Variants in PTPRR observed in about 807,000 individuals in gnomAD.
The protein encoded by PTPRR is protein tyrosine phosphatase receptor type R, also known as receptor-type tyrosine-protein phosphatase R.
PTPRR carries 38 observed loss-of-function variants against 77.2 expected under a neutral mutation model. The observed-to-expected ratio is 0.49, with a 90% CI of 0.38 to 0.65. PTPRR has a LOEUF of 0.65. PTPRR is among the 30% of genes least tolerant of loss of function. The pLI is 0.00. For missense variants in PTPRR, 744 were observed against 799.2 expected (o/e 0.93, Z 0.83); for synonymous variants, 299 against 283.1 (o/e 1.06, Z -0.57).
intron 1 of PTPRR, among the ~76,000 whole-genome samples, chr12:70,912,432 C>G (rs1893713319): frequency 6.6e-6 from 1 of 151,934 alleles, no homozygotes. Context: ...TGAGGCCAGT[C>G]TTCTCATTTA....
intron 2 of PTPRR, among the ~76,000 whole-genome samples, chr12:70,868,839 C>G (rs1372976097): frequency 2.0e-5 from 3 of 151,788 alleles, no homozygotes; most frequent in Non-Finnish European, 4.4e-5. Flanking sequence ...ATACACCATG[C>G]AATATTATGC....
intron 4 of PTPRR, among the ~76,000 whole-genome samples, chr12:70,759,679 TA>T (rs34011060): frequency 0.021 from 716 of 34,408 alleles, 10 homozygotes; most frequent in African/African-American, 0.058. Flanking sequence ...GACTCCGTCT[TA>T]AAAAAAAAAA....
chr12:70,870,193 T>C (rs965765520), intron 2 of PTPRR, among the ~76,000 whole-genome samples: 5 of 152,106 alleles, frequency 3.3e-5, no homozygotes, highest in African/African-American at 4.8e-5. Flanking sequence ...ATCAGACCAT[T>C]TCCAAAGCCC....
At chr12:70,810,789 A>G (rs1033717638) in intron 2 of PTPRR, among the ~76,000 whole-genome samples, 1 of 152,202 alleles carries the variant, frequency 6.6e-6, no homozygotes, top group African/African-American at 2.4e-5. Flanking sequence ...ACAAAATAGC[A>G]TGATTATATG....
intron 6 of PTPRR, among the ~76,000 whole-genome samples, chr12:70,728,546 T>TATATATA (rs1266771677): frequency 1.4e-5 from 2 of 139,878 alleles, no homozygotes; most frequent in African/African-American, 5.3e-5. Context: ...TATATATATA[T>TATATATA]ATATATATAT....
chr12:70,718,733 T>C (rs1194673917), intron 6 of PTPRR, among the ~76,000 whole-genome samples: 5 of 152,154 alleles, frequency 3.3e-5, no homozygotes, highest in Admixed American at 3.3e-4. Context: ...ATATTTTGAG[T>C]GTGTATATTG....
intron 2 of PTPRR, among the ~76,000 whole-genome samples, chr12:70,772,649 T>A (rs916190424): frequency 2.0e-5 from 3 of 151,812 alleles, no homozygotes; most frequent in Admixed American, 6.6e-5. Context: ...TGCATGGAGG[T>A]AGGGGCCCTA....
chr12:70,843,128 T>A (rs1892425143), intron 2 of PTPRR, among the ~76,000 whole-genome samples: 1 of 152,148 alleles, frequency 6.6e-6, no homozygotes, highest in African/African-American at 2.4e-5. Context: ...TATAATTGAC[T>A]TTGTCACACT....
At chr12:70,802,271 A>G (rs376170123) in intron 2 of PTPRR, among the ~76,000 whole-genome samples, 13 of 152,234 alleles carry the variant, frequency 8.5e-5, no homozygotes, top group African/African-American at 2.7e-4. Flanking sequence ...AAATTAATAC[A>G]ACTTCGTAAA....
intron 1 of PTPRR, among the ~76,000 whole-genome samples, chr12:70,903,964 T>A (rs1013737240): frequency 6.6e-6 from 1 of 151,830 alleles, no homozygotes. Context: ...AATGGCAAAT[T>A]AGCAAATGAA....
In PTPRR at chr12:70,722,705, G is replaced by A. The variant is rs116709901; in HGVS notation, c.1008-21382C>T. On this transcript the variant is annotated intron_variant, in intron 6 of 13. Coordinates refer to ENST00000283228, the MANE Select transcript of PTPRR (RefSeq NM_002849.4). ...CTCATTATGAAGAAAATATGCAGGTGGCTAAAGATTAATTACAAGCAGCAG... is the reference window on the plus strand; with the variant it reads ...CTCATTATGAAGAAAATATGCAGGTAGCTAAAGATTAATTACAAGCAGCAG... Among the ~76,000 whole-genome samples, 1,330 of 152,164 alleles carry A rather than the reference G, an allele frequency of 8.7e-3. 14 individuals are homozygous for A. Among genetic ancestry groups the A allele is most frequent in the African/African-American group, 0.03 (1,254 of 41,498 alleles).
chr12:70,743,138 T>C (rs73341062), intron 6 of PTPRR, among the ~76,000 whole-genome samples: 6,887 of 152,108 alleles, frequency 0.045, 534 homozygotes, highest in African/African-American at 0.16. Context: ...AGAATGAAAC[T>C]CTGAGGTTAA....
chr12:70,748,377 G>C (rs74101575), intron 5 of PTPRR, among the ~76,000 whole-genome samples: 2,524 of 152,230 alleles, frequency 0.017, 67 homozygotes, highest in African/African-American at 0.058. Context: ...TCTCTGCACA[G>C]ATTGAGATCT....
intron 10 of PTPRR, among the ~76,000 whole-genome samples, chr12:70,665,361 A>ATTTTTTTTT (rs1886947752): frequency 3.1e-5 from 3 of 98,342 alleles, no homozygotes; most frequent in Middle Eastern, 6.6e-3. Flanking sequence ...AGCAATGCAA[A>ATTTTTTTTT]TTCTTTTTTT....
chr12:70,780,954 A>T (rs1891190818), intron 2 of PTPRR, among the ~76,000 whole-genome samples: 1 of 152,222 alleles, frequency 6.6e-6, no homozygotes, highest in Admixed American at 6.5e-5. Flanking sequence ...GTAAGCCCAA[A>T]GGCATTGTCC....
At chr12:70,910,072 T>G (rs1192915862) in intron 1 of PTPRR, among the ~76,000 whole-genome samples, 1 of 152,210 alleles carries the variant, frequency 6.6e-6, no homozygotes, top group Non-Finnish European at 1.5e-5. Flanking sequence ...AATAGGTCAA[T>G]AGTCAATGTG....
Position 70,891,832 on chromosome 12 carries a change from A to AAATC in PTPRR, c.357+846_357+847insGATT, listed in dbSNP as rs535420014. On this transcript the variant is annotated intron_variant, in intron 2 of 13. Coordinates refer to ENST00000283228, the MANE Select transcript of PTPRR (RefSeq NM_002849.4). Reference sequence around the variant, plus strand: ...CATTTGGTGCATAGAGGAGTTGCCAAAATGCAAACATGGTTTCATTGAATT... The same window carrying AAATC: ...CATTTGGTGCATAGAGGAGTTGCCAAAATCAATGCAAACATGGTTTCATTGAATT... Among the ~76,000 whole-genome samples the AAATC allele has an allele frequency of 8.3e-4, 127 of 152,252 alleles. 2 individuals carry two copies. The highest frequency in any genetic ancestry group is 1.2e-4 in the Non-Finnish European group (8 of 67,996).
chr12:70,750,943 T>G (rs1890374612), intron 5 of PTPRR, among the ~76,000 whole-genome samples: 1 of 151,344 alleles, frequency 6.6e-6, no homozygotes, highest in African/African-American at 2.4e-5. Context: ...TCTCACTGTG[T>G]TGCTTAGGCT....
intron 2 of PTPRR, among the ~76,000 whole-genome samples, chr12:70,777,471 T>C (rs1424902239): frequency 6.6e-6 from 1 of 152,164 alleles, no homozygotes; most frequent in African/African-American, 2.4e-5. Context: ...ACTTCTGCTA[T>C]GAAAGATGAG....
Sources: allele counts gnomAD v4.1 joint callset (sites outside exome capture counted in the v4.1 genomes callset), GRCh38; gene constraint gnomAD v4.1.1; transcripts MANE v1.5; gene names NCBI Gene and HGNC (gene_info 2026-07-23, HGNC 2026-07-21).